ADAMTS19: variants seen among roughly 807,000 people sequenced by gnomAD.
ADAMTS19 encodes the protein ADAM metallopeptidase with thrombospondin type 1 motif 19.
Under a neutral mutation model 153.3 loss-of-function variants are expected in ADAMTS19, and 93 were observed. The ratio of observed to expected loss-of-function variants is 0.61; its 90% CI spans 0.51 to 0.72. The LOEUF is 0.72. Ranked by LOEUF, ADAMTS19 falls within the 30% of genes least tolerant of loss-of-function variation. ADAMTS19 has a pLI of 0.00. For synonymous variants in ADAMTS19, 600 were observed against 556.6 expected, an observed-to-expected ratio of 1.08 and a Z score of -1.10; for missense variants, 1,482 against 1,552.1, an observed-to-expected ratio of 0.95 and a Z score of 0.76.
chr5:129,650,125 G>C (rs1301581423), intron 13 of ADAMTS19, among the ~76,000 whole-genome samples: 1 of 152,134 alleles, frequency 6.6e-6, no homozygotes, highest in Admixed American at 6.5e-5. Flanking sequence ...GAGCCAAGAT[G>C]GTGCCACTTT....
Position 129,637,573 on chromosome 5 carries a change from G to A in ADAMTS19, c.1771-4286G>A, listed in dbSNP as rs547652928. Among the ~76,000 whole-genome samples, 16 of 152,200 alleles carry A rather than the reference G, an allele frequency of 1.1e-4. No homozygotes were observed. The South Asian group carries it at 3.3e-3, about 32-fold the overall frequency. ...CAAAAAACCAAATAATGCCAGGCGCGGTGGCTCACACCTATAATCCCAGCA... is the reference window on the plus strand; with the variant it reads ...CAAAAAACCAAATAATGCCAGGCGCAGTGGCTCACACCTATAATCCCAGCA... On this transcript the variant is annotated intron_variant, in intron 10 of 22. Coordinates refer to ENST00000274487, the MANE Select transcript of ADAMTS19 (RefSeq NM_133638.6).
chr5:129,588,729 G>A lies in ADAMTS19; in HGVS notation c.1373-7830G>A, dbSNP rs1009896416. 5.9e-5 allele frequency among the ~76,000 whole-genome samples: 9 copies of A among 151,470 alleles called. No individual in the cohort carries two copies. In the East Asian group the frequency reaches 1.7e-3, roughly 29 times the overall value. Reference sequence around the variant, plus strand: ...TAATATTGTGAGCCAGCTCTTTGGGGGTTATTTTATTTGGTGATTCTTTGT... The same window carrying A: ...TAATATTGTGAGCCAGCTCTTTGGGAGTTATTTTATTTGGTGATTCTTTGT... On this transcript the variant is annotated intron_variant, in intron 7 of 22. Coordinates refer to ENST00000274487, the MANE Select transcript of ADAMTS19 (RefSeq NM_133638.6).
chr5:129,607,385 C>T (rs1581137975), intron 8 of ADAMTS19, among the ~76,000 whole-genome samples: 1 of 152,066 alleles, frequency 6.6e-6, no homozygotes, highest in African/African-American at 2.4e-5. Context: ...TTTTTCACAG[C>T]ACGAAGTTGA....
intron 3 of ADAMTS19, among the ~76,000 whole-genome samples, chr5:129,520,387 G>A (rs1296087511): frequency 4.6e-5 from 7 of 152,062 alleles, no homozygotes; most frequent in Admixed American, 1.3e-4. Flanking sequence ...GTTTCTTCAC[G>A]TTAATTCCAT....
chr5:129,548,665 C>G (rs555009304), intron 6 of ADAMTS19, among the ~76,000 whole-genome samples: 118 of 151,970 alleles, frequency 7.8e-4, no homozygotes, highest in African/African-American at 2.7e-3. Context: ...ACCCAGCCAT[C>G]CCATTACTGG....
chr5:129,579,615 A>G (rs1057245422), intron 7 of ADAMTS19, among the ~76,000 whole-genome samples: 7 of 152,178 alleles, frequency 4.6e-5, no homozygotes, highest in Non-Finnish European at 8.8e-5. Context: ...TAATTTTTGT[A>G]TAAGGTGTAA....
intron 2 of ADAMTS19, among the ~76,000 whole-genome samples, chr5:129,465,784 T>C (rs112413054): frequency 0.024 from 3,612 of 152,284 alleles, 144 homozygotes; most frequent in African/African-American, 0.081. Flanking sequence ...CTCATATGTC[T>C]ACTTTCTTCA....
intron 2 of ADAMTS19, among the ~76,000 whole-genome samples, chr5:129,490,964 A>AC (rs1750746986): frequency 6.6e-6 from 1 of 151,836 alleles, no homozygotes; most frequent in Admixed American, 6.6e-5. Context: ...TGATGAATAA[A>AC]CATATATTGT....
intron 20 of ADAMTS19, among the ~76,000 whole-genome samples, chr5:129,702,203 G>A (rs66729306): frequency 0.054 from 8,162 of 152,154 alleles, 331 homozygotes; most frequent in African/African-American, 0.11. Context: ...TGTGTTCCAT[G>A]CCAAACCATA....
At chr5:129,579,001 C>T (rs1265321671) in intron 7 of ADAMTS19, among the ~76,000 whole-genome samples, 1 of 152,126 alleles carries the variant, frequency 6.6e-6, no homozygotes, top group Non-Finnish European at 1.5e-5. Context: ...GTTCTAGATC[C>T]TTGAGGAATT....
intron 3 of ADAMTS19, among the ~76,000 whole-genome samples, chr5:129,522,478 C>T (rs556524636): frequency 2.1e-4 from 31 of 150,306 alleles, no homozygotes; most frequent in Non-Finnish European, 4.0e-4. Flanking sequence ...TGTCATCTTG[C>T]ATTGACTTGT....
intron 7 of ADAMTS19, among the ~76,000 whole-genome samples, chr5:129,578,370 G>A (rs1246903374): frequency 9.2e-6 from 1 of 109,238 alleles, no homozygotes; most frequent in Non-Finnish European, 1.9e-5. Flanking sequence ...GCATGTATAT[G>A]TACGTATACG....
In ADAMTS19 at chr5:129,526,407, A is replaced by G. The variant is rs542111777; in HGVS notation, c.1037A>G (p.Tyr346Cys). The change falls in exon 4 of 23, where the codon TAT becomes TGT. Residue 346 changes from tyrosine (Y) to cysteine (C), a missense_variant. Around this residue, in one of 2 missense-constraint regions of ADAMTS19, gnomAD observed 866 missense variants for 827.7 expected, o/e 1.05. Coordinates refer to ENST00000274487, the MANE Select transcript of ADAMTS19 (RefSeq NM_133638.6). Reference sequence around the variant, plus strand: ...GTTGCAGACCCAGCAATGGTTTCCTATCATGGAGCAGATGCAGCCAGGAGA... The same window carrying G: ...GTTGCAGACCCAGCAATGGTTTCCTGTCATGGAGCAGATGCAGCCAGGAGA... ...VVVADPAMVS[Y>C]HGADAARRFI... 9.4e-6 allele frequency: 15 copies of G among 1,604,144 alleles called. No individual in the cohort carries two copies. In the Admixed American group the frequency reaches 2.6e-4, roughly 28 times the overall value.
At chr5:129,651,567 G>C (rs1411647727) in intron 13 of ADAMTS19, among the ~76,000 whole-genome samples, 1 of 152,104 alleles carries the variant, frequency 6.6e-6, no homozygotes, top group Non-Finnish European at 1.5e-5. Flanking sequence ...GCTGGGTTTT[G>C]ACATAATAGG....
At chr5:129,643,573 A>G (rs1316982207) in intron 11 of ADAMTS19, among the ~76,000 whole-genome samples, 1 of 151,972 alleles carries the variant, frequency 6.6e-6, no homozygotes, top group Non-Finnish European at 1.5e-5. Context: ...TACTTCTATG[A>G]TTTCTTTAAT....
intron 21 of ADAMTS19, among the ~76,000 whole-genome samples, chr5:129,725,360 C>T (rs1439724498): frequency 6.6e-6 from 1 of 152,066 alleles, no homozygotes; most frequent in Non-Finnish European, 1.5e-5. Context: ...TCCACATGCA[C>T]AACGGCCGGC....
chr5:129,661,088 ATGAAGTGATCCC>A (rs1753796067), intron 15 of ADAMTS19, among the ~76,000 whole-genome samples: 1 of 152,150 alleles, frequency 6.6e-6, no homozygotes, highest in Admixed American at 6.5e-5. Flanking sequence ...CATTTCTTTA[ATGAAGTGATCCC>A]TGAAGTGATA....
chr5:129,595,953 T>G (rs1054626140), intron 7 of ADAMTS19, among the ~76,000 whole-genome samples: 3 of 151,956 alleles, frequency 2.0e-5, no homozygotes, highest in Non-Finnish European at 4.4e-5. Context: ...TGCTAAAATT[T>G]TATCTTAATA....
Position 129,524,760 on chromosome 5 carries a change from A to G in ADAMTS19, c.914-1524A>G, listed in dbSNP as rs535024295. Among the ~76,000 whole-genome samples the G allele has an allele frequency of 1.8e-4, 26 of 142,374 alleles. 1 individual carries two copies. The highest frequency in any genetic ancestry group is 6.6e-4 in the South Asian group (3 of 4,534). The allele number at this position is 142,374 out of a possible 152,430, so 93.4% of individuals were successfully genotyped here. A position where few individuals can be genotyped will look rare whatever the true frequency, so the allele number is the denominator to read the frequency against. On this transcript the variant is annotated intron_variant, in intron 3 of 22. Coordinates refer to ENST00000274487, the MANE Select transcript of ADAMTS19 (RefSeq NM_133638.6). Reference sequence around the variant, plus strand: ...CACATGTATCCCAGAACTTGAAGGGAAAAAAAAAAAACGAAGGAAAAGAAA... The same window carrying G: ...CACATGTATCCCAGAACTTGAAGGGGAAAAAAAAAAACGAAGGAAAAGAAA...
Sources: allele counts gnomAD v4.1 joint callset (sites outside exome capture counted in the v4.1 genomes callset), GRCh38; gene constraint gnomAD v4.1.1; regional missense constraint gnomAD v4.1.1; transcripts MANE v1.5; gene names NCBI Gene and HGNC (gene_info 2026-07-23, HGNC 2026-07-21).